Variants in PSMB7 observed in about 807,000 individuals in gnomAD.
The protein encoded by PSMB7 is proteasome 20S subunit beta 7, also known as proteasome subunit beta type-7.
A neutral mutation model predicts 28.1 loss-of-function variants in PSMB7; 5 were observed. The ratio of observed to expected loss-of-function variants is 0.18; its 90% CI spans 0.09 to 0.37. The LOEUF is 0.37. Ranked by LOEUF, PSMB7 falls within the 10% of genes least tolerant of loss-of-function variation. The probability of loss-of-function intolerance (pLI) is 1.00; values close to 1 mark genes in which losing one functional copy is unlikely to be tolerated. For missense variants in PSMB7, 275 were observed against 346.2 expected, an observed-to-expected ratio of 0.79 and a Z score of 1.63; for synonymous variants, 122 against 123.7, an observed-to-expected ratio of 0.99 and a Z score of 0.09.
Position 124,405,362 on chromosome 9 carries a change from T to C in PSMB7, c.466A>G (p.Ile156Val). Residue 156 changes from isoleucine to valine, a missense_variant, in exon 5 of 8, where the codon ATC (isoleucine) becomes GTC (valine). By Grantham distance (29) the Ile-to-Val change is conservative (BLOSUM62 3). Around this residue, in one of 2 missense-constraint regions of PSMB7, gnomAD observed 213 missense variants for 302.4 expected, o/e 0.70. Coordinates refer to ENST00000259457, the MANE Select transcript of PSMB7 (RefSeq NM_002799.4). ...TTATCAGTTGATCCATGAGGATAGATGCTGTAGAGGTGAGGTCCAGTAACA... is the reference window on the plus strand; with the variant it reads ...TTATCAGTTGATCCATGAGGATAGACGCTGTAGAGGTGAGGTCCAGTAACA... ...VDVTGPHLYS[I>V]YPHGSTDKLP... 1.2e-6 allele frequency: 2 copies of C among 1,613,960 alleles called. No homozygotes were observed. The highest frequency in any genetic ancestry group is 1.3e-5 in the African/African-American group (1 of 75,016).
chr9:124,388,071 T>C (rs184549869), intron 5 of PSMB7, among the ~76,000 whole-genome samples: 16 of 152,342 alleles, frequency 1.1e-4, no homozygotes, highest in African/African-American at 3.8e-4. Context: ...CTTTTCCCTA[T>C]AAACCACTAA....
At chr9:124,411,185 T>C (rs1831024135) in intron 4 of PSMB7, among the ~76,000 whole-genome samples, 1 of 152,152 alleles carries the variant, frequency 6.6e-6, no homozygotes, top group Non-Finnish European at 1.5e-5. Flanking sequence ...TTGGCCAGGC[T>C]GGTCTCGAAC....
chr9:124,376,828 G>A (rs573762115), intron 6 of PSMB7, among the ~76,000 whole-genome samples: 3 of 152,330 alleles, frequency 2.0e-5, no homozygotes, highest in African/African-American at 7.2e-5. Flanking sequence ...TCCACTGAGT[G>A]TGTGACCTCT....
chr9:124,403,790 T>C (rs545779131), intron 5 of PSMB7, among the ~76,000 whole-genome samples: 2 of 152,012 alleles, frequency 1.3e-5, no homozygotes, highest in South Asian at 4.2e-4. Flanking sequence ...CCACAATCAC[T>C]CCTCTAGGTC....
chr9:124,389,740 T>G (rs1830764881), intron 5 of PSMB7, among the ~76,000 whole-genome samples: 1 of 152,010 alleles, frequency 6.6e-6, no homozygotes, highest in Non-Finnish European at 1.5e-5. Flanking sequence ...CCCTGTGGAG[T>G]CCTGGAAAGA....
chr9:124,415,043 C>A, intron 1 of PSMB7, 108 bp from the exon 2 acceptor site: 3 of 726,178 alleles, frequency 4.1e-6, no homozygotes, highest in Non-Finnish European at 6.8e-6. Flanking sequence ...CTTGTTTTCA[C>A]GCCCATCTGT....
At chr9:124,395,103 G>A (rs957489483) in intron 5 of PSMB7, among the ~76,000 whole-genome samples, 1 of 152,104 alleles carries the variant, frequency 6.6e-6, no homozygotes, top group Admixed American at 6.6e-5. Flanking sequence ...TTTATGTTTG[G>A]TATCTCACTT....
At chr9:124,407,938 G>A (rs1830983708) in intron 4 of PSMB7, among the ~76,000 whole-genome samples, 1 of 152,142 alleles carries the variant, frequency 6.6e-6, no homozygotes, top group Admixed American at 6.6e-5. Context: ...CTTGAGGCCA[G>A]GAGTTTGAGA....
At chr9:124,375,797 G>A (rs1487281941) in intron 6 of PSMB7, among the ~76,000 whole-genome samples, 1 of 152,120 alleles carries the variant, frequency 6.6e-6, no homozygotes, top group African/African-American at 2.4e-5. Context: ...AAGGTGCTTC[G>A]GCTAAACACG....
At chr9:124,376,768 C>G (rs1031314687) in intron 6 of PSMB7, among the ~76,000 whole-genome samples, 4 of 152,214 alleles carry the variant, frequency 2.6e-5, no homozygotes, top group African/African-American at 9.7e-5. Context: ...GTGGCTGAAC[C>G]CATCGGAGGG....
At chr9:124,404,347 C>G (rs1588581737) in intron 5 of PSMB7, among the ~76,000 whole-genome samples, 2 of 152,318 alleles carry the variant, frequency 1.3e-5, no homozygotes, top group South Asian at 4.1e-4. Flanking sequence ...GAAGTTGACT[C>G]AGTTTCTCTC....
At chr9:124,358,087 G>A (rs367843085) in intron 6 of PSMB7, among the ~76,000 whole-genome samples, 4 of 152,214 alleles carry the variant, frequency 2.6e-5, no homozygotes, top group African/African-American at 7.2e-5. Flanking sequence ...CCACGAGGGC[G>A]TGAGAGTACA....
chr9:124,379,447 AC>A (rs768717414), intron 6 of PSMB7, among the ~76,000 whole-genome samples: 11 of 151,838 alleles, frequency 7.2e-5, no homozygotes, highest in African/African-American at 2.4e-4. Flanking sequence ...AAGGGAACAA[AC>A]AAAAAAATGA....
Position 124,379,773 on chromosome 9 carries a change from C to T in PSMB7, c.570+4825G>A, listed in dbSNP as rs569355853. Among the ~76,000 whole-genome samples, 4 of 152,310 alleles carry T rather than the reference C, an allele frequency of 2.6e-5. No individual in the cohort carries two copies. In the South Asian group the frequency reaches 6.2e-4, roughly 24 times the overall value. On this transcript the variant is annotated intron_variant, in intron 6 of 7. Coordinates refer to ENST00000259457, the MANE Select transcript of PSMB7 (RefSeq NM_002799.4). ...GCTGACTCTGTGCCCCAATACTGCACGCTGTTTGAGAAGTGTACTGGTTAT... is the reference window on the plus strand; with the variant it reads ...GCTGACTCTGTGCCCCAATACTGCATGCTGTTTGAGAAGTGTACTGGTTAT...
At position 124,415,433 on chromosome 9, in the gene PSMB7, A is replaced by T. The variant is rs749393188; in HGVS notation, c.-8T>A. The T allele has an allele frequency of 2.5e-6, 4 of 1,614,066 alleles. No individual in the cohort carries two copies. Among genetic ancestry groups the T allele is most frequent in the Middle Eastern group, 1.6e-4 (1 of 6,062 alleles). On this transcript the variant is annotated 5_prime_UTR_variant, in exon 1 of 8. The change creates a new upstream start codon in the 5' untranslated region. Coordinates refer to ENST00000259457, the MANE Select transcript of PSMB7 (RefSeq NM_002799.4). ...CACCGACACAGCCGCCATCTTCCCA[A>T]GAAAGCAGTTCCGGGTCGGAGGCGG...
chr9:124,410,513 G>A (rs1159950300), intron 4 of PSMB7, among the ~76,000 whole-genome samples: 3 of 152,100 alleles, frequency 2.0e-5, no homozygotes, highest in African/African-American at 7.2e-5. Context: ...CCACCAGAGG[G>A]AGCTTTATAT....
intron 3 of PSMB7, among the ~76,000 whole-genome samples, chr9:124,413,448 G>A (rs1282921721): frequency 6.6e-6 from 1 of 152,056 alleles, no homozygotes; most frequent in East Asian, 1.9e-4. Flanking sequence ...AATGTGACAA[G>A]TCTCTTGAAA....
At chr9:124,364,845 A>T (rs1305527669) in intron 6 of PSMB7, among the ~76,000 whole-genome samples, 1 of 152,202 alleles carries the variant, frequency 6.6e-6, no homozygotes, top group Non-Finnish European at 1.5e-5. Flanking sequence ...CAGAGACTGA[A>T]ATCAGGGTCT....
intron 4 of PSMB7, among the ~76,000 whole-genome samples, chr9:124,409,106 C>A (rs1015334634): frequency 6.6e-6 from 1 of 152,090 alleles, no homozygotes; most frequent in Non-Finnish European, 1.5e-5. Context: ...TTTTTACATT[C>A]TTTTTGTTCA....
Sources: gnomAD v4.1 joint callset for allele counts (sites outside exome capture counted in the v4.1 genomes callset) on GRCh38, gnomAD v4.1.1 for gene constraint, gnomAD v4.1.1 regional missense constraint, MANE v1.5 for transcripts, NCBI Gene and HGNC (gene_info 2026-07-23, HGNC 2026-07-21) for gene names.